Variants in KCTD3 observed in about 807,000 individuals in gnomAD.
The protein encoded by KCTD3 is BTB/POZ domain-containing protein KCTD3.
In KCTD3, 41 loss-of-function variants were observed where a neutral mutation model predicts 85.8. The observed-to-expected ratio is 0.48, with a 90% CI of 0.37 to 0.62. The LOEUF (loss-of-function observed/expected upper bound fraction) is 0.62, where lower values mean the gene tolerates loss of function less well. Among genes scored for constraint, KCTD3 ranks in the 20% least tolerant of loss-of-function variants. The probability of loss-of-function intolerance (pLI) is 0.00; values close to 1 mark genes in which losing one functional copy is unlikely to be tolerated. For missense variants in KCTD3, 724 were observed against 989.9 expected, an observed-to-expected ratio of 0.73 and a Z score of 3.60; for synonymous variants, 338 against 345.4, an observed-to-expected ratio of 0.98 and a Z score of 0.24.
At chr1:215,609,601 G>A (rs1289327815) in intron 14 of KCTD3, among the ~76,000 whole-genome samples, 1 of 151,870 alleles carries the variant, frequency 6.6e-6, no homozygotes, top group Non-Finnish European at 1.5e-5. Flanking sequence ...ATGAGAGAGT[G>A]AAGCAAGGAA....
chr1:215,587,964 A>G (rs1487782701), intron 9 of KCTD3, among the ~76,000 whole-genome samples: 1 of 152,192 alleles, frequency 6.6e-6, no homozygotes, highest in Non-Finnish European at 1.5e-5. Context: ...AAAAAATTGC[A>G]TTCATTGGTA....
chr1:215,572,669 G>C lies in KCTD3; in HGVS notation c.84-1117G>C, dbSNP rs1467677228. 2.6e-5 allele frequency among the ~76,000 whole-genome samples: 4 copies of C among 152,306 alleles called. No individual in the cohort carries two copies. In the South Asian group the frequency reaches 8.3e-4, roughly 32 times the overall value. ...TTCCAGGCTGCTAATTTAGGTAATG[G>C]CAGACAATAGATGGATGATACAGTG... On this transcript the variant is annotated intron_variant, in intron 1 of 17. Coordinates refer to ENST00000259154, the MANE Select transcript of KCTD3 (RefSeq NM_016121.5).
chr1:215,574,845 T>C (rs1659511322), intron 3 of KCTD3, among the ~76,000 whole-genome samples: 1 of 152,256 alleles, frequency 6.6e-6, no homozygotes, highest in Non-Finnish European at 1.5e-5. Context: ...TATTACTGGC[T>C]GCCATTTCCC....
intron 11 of KCTD3, 33 bp from the exon 12 acceptor site, chr1:215,602,052 A>T: frequency 2.1e-6 from 3 of 1,437,406 alleles, no homozygotes; most frequent in Non-Finnish European, 2.9e-6. Context: ...TATGCTATTT[A>T]TTTTAATGCT....
chr1:215,570,989 A>C (rs371508066), intron 1 of KCTD3, among the ~76,000 whole-genome samples: 1 of 152,156 alleles, frequency 6.6e-6, no homozygotes, highest in Admixed American at 6.5e-5. Flanking sequence ...ATTGGTGGGG[A>C]TGAGGGTCTA....
At chr1:215,584,045 T>C (rs1230998260) in intron 8 of KCTD3, among the ~76,000 whole-genome samples, 1 of 152,190 alleles carries the variant, frequency 6.6e-6, no homozygotes, top group South Asian at 2.1e-4. Context: ...CAAGCTGATA[T>C]GGAGTTGGAA....
intron 8 of KCTD3, chr1:215,580,901 G>T: frequency 2.2e-6 from 1 of 451,542 alleles, no homozygotes. Flanking sequence ...GGTAAGTGCT[G>T]TTTATATCAG....
In KCTD3 at chr1:215,620,221, T is replaced by G; in HGVS notation, c.2051T>G (p.Val684Gly). 6.2e-7 allele frequency: 1 copy of G among 1,613,794 alleles called. No individual in the cohort carries two copies. The highest frequency in any genetic ancestry group is 8.5e-7 in the Non-Finnish European group (1 of 1,179,824). The change falls in exon 18 of 18, where the codon GTC becomes GGC. Residue 684 changes from valine (V) to glycine (G), a missense_variant. This residue lies in a region of KCTD3 where 222 missense variants were observed against 217.7 expected (regional missense o/e 1.02). Transcript: ENST00000259154. ...TTGAACAGAAATGTAGAAAGAGCTGTCCCTGAAAATGGTAACTTGGGTCCA... is the reference window on the plus strand; with the variant it reads ...TTGAACAGAAATGTAGAAAGAGCTGGCCCTGAAAATGGTAACTTGGGTCCA... Reference protein sequence around the residue: ...INLNRNVERAVPENGNLGPIQ... With the variant: ...INLNRNVERAGPENGNLGPIQ...
At chr1:215,577,519 A>G in intron 4 of KCTD3, 151 bp from the exon 5 acceptor site, 1 of 566,268 alleles carries the variant, frequency 1.8e-6, no homozygotes. Flanking sequence ...TTTAATGATT[A>G]AGGATAATAG....
At chr1:215,592,095 C>T (rs1002853570) in intron 9 of KCTD3, among the ~76,000 whole-genome samples, 4 of 152,136 alleles carry the variant, frequency 2.6e-5, no homozygotes, top group Non-Finnish European at 5.9e-5. Context: ...ACAAGAACGA[C>T]AAAGGAAAGA....
At chr1:215,591,169 A>G (rs572445534) in intron 9 of KCTD3, among the ~76,000 whole-genome samples, 19 of 152,166 alleles carry the variant, frequency 1.2e-4, no homozygotes, top group Non-Finnish European at 2.6e-4. Flanking sequence ...ATCTACCCAC[A>G]TATGACCTCT....
intron 3 of KCTD3, among the ~76,000 whole-genome samples, chr1:215,574,944 A>G (rs145709170): frequency 6.6e-6 from 1 of 152,260 alleles, no homozygotes; most frequent in African/African-American, 2.4e-5. Context: ...GTTGGTATAA[A>G]TTTCCATAAA....
At position 215,567,704 on chromosome 1, in the gene KCTD3, G is replaced by T; in HGVS notation, c.19G>T (p.Gly7Cys). The change falls in exon 1 of 18, where the codon GGC becomes TGC. Residue 7 changes from glycine (G) to cysteine (C), a missense_variant. By Grantham distance (159) the Gly-to-Cys change is radical. This residue lies in a region of KCTD3 where 97 missense variants were observed against 115.7 expected (regional missense o/e 0.84). Transcript: ENST00000259154. ...GCCGGAGATGGCGGGAGGGCACTGC[G>T]GCAGCTTCCCCGCGGCGGCGGCCGG... MAGGHCGSFPAAAAGSG... is the reference protein window; with the variant it reads MAGGHCCSFPAAAAGSG... 8.1e-7 allele frequency: 1 copy of T among 1,241,942 alleles called. No individual in the cohort carries two copies. The allele number at this position is 1,241,942 out of a possible 1,614,324, so 76.9% of individuals were successfully genotyped here.
rs1571870026 is a variant in KCTD3 at position 215,573,690 on chromosome 1, T to G, written c.84-96T>G. The stretch of plus-strand genomic sequence containing the variant: ...GGTACAGCTATAACTATAAAACATC[T>G]TGTAAATCATTAGCCAGTGTATTAA... On this transcript the variant is annotated intron_variant, in intron 1 of 17. Coordinates refer to ENST00000259154, the MANE Select transcript of KCTD3 (RefSeq NM_016121.5). 3 of 705,338 alleles carry G rather than the reference T, an allele frequency of 4.3e-6. No individual in the cohort carries two copies. The East Asian group carries it at 7.8e-5, about 18-fold the overall frequency. The allele number at this position is 705,338 out of a possible 1,614,324, so 43.7% of individuals were successfully genotyped here.
intron 17 of KCTD3, 52 bp downstream of exon 17, chr1:215,619,343 TTGAC>T (rs1411209812): frequency 2.1e-6 from 3 of 1,438,858 alleles, no homozygotes; most frequent in African/African-American, 1.4e-5. Context: ...TTTGGGGAAA[TTGAC>T]TGAAATATTG....
At chr1:215,588,451 T>C (rs12129661) in intron 9 of KCTD3, among the ~76,000 whole-genome samples, 4,629 of 151,846 alleles carry the variant, frequency 0.03, 103 homozygotes, top group Middle Eastern at 0.071. Context: ...GATTTGGCCT[T>C]TTATGTTCTT....
intron 10 of KCTD3, among the ~76,000 whole-genome samples, chr1:215,600,729 A>G (rs1011230441): frequency 2.0e-5 from 3 of 152,222 alleles, no homozygotes; most frequent in South Asian, 2.1e-4. Context: ...TAGTATATGA[A>G]AAGTAAAAGT....
chr1:215,577,024 A>T (rs1659614219), intron 4 of KCTD3, among the ~76,000 whole-genome samples: 2 of 152,218 alleles, frequency 1.3e-5, no homozygotes. Context: ...TATTAGTATT[A>T]TAAGTTCTGA....
chr1:215,575,797 G>T, intron 3 of KCTD3, 104 bp from the exon 4 acceptor site: 1 of 622,008 alleles, frequency 1.6e-6, no homozygotes, highest in Non-Finnish European at 2.8e-6. Context: ...ACAAGGAAAT[G>T]TAGTATTTAA....
Sources: allele counts gnomAD v4.1 joint callset (sites outside exome capture counted in the v4.1 genomes callset), GRCh38; gene constraint gnomAD v4.1.1; regional missense constraint gnomAD v4.1.1; transcripts MANE v1.5; gene names NCBI Gene and HGNC (gene_info 2026-07-23, HGNC 2026-07-21).